The following CTNNA2 variants were observed in gnomAD, a reference collection of about 807,000 sequenced individuals.
CTNNA2 encodes catenin alpha-2.
CTNNA2 carries 42 observed loss-of-function variants against 101.0 expected under a neutral mutation model. The ratio of observed to expected loss-of-function variants is 0.42; its 90% CI spans 0.32 to 0.54. The LOEUF is 0.54. Ranked by LOEUF, CTNNA2 falls within the 20% of genes least tolerant of loss-of-function variation. The pLI, the probability that CTNNA2 is intolerant of heterozygous loss-of-function variation, is 0.14. For synonymous variants in CTNNA2, 450 were observed against 456.4 expected, an observed-to-expected ratio of 0.99 and a Z score of 0.18; for missense variants, 871 against 1,223.1, an observed-to-expected ratio of 0.71 and a Z score of 4.29.
chr2:80,617,370 A>G (rs989674199), intron 17 of CTNNA2, among the ~76,000 whole-genome samples: 7 of 151,774 alleles, frequency 4.6e-5, no homozygotes, highest in Non-Finnish European at 1.0e-4. Context: ...ATAAAACTTC[A>G]TAGGGCCATT....
chr2:79,551,895 C>T (rs1368298546), intron 1 of CTNNA2, among the ~76,000 whole-genome samples: 2 of 152,218 alleles, frequency 1.3e-5, no homozygotes, highest in Admixed American at 6.5e-5. Flanking sequence ...AGTCACCTCC[C>T]AACAGGCTCT....
chr2:79,766,493 A>T (rs564655784), intron 3 of CTNNA2, among the ~76,000 whole-genome samples: 3 of 152,224 alleles, frequency 2.0e-5, no homozygotes, highest in Non-Finnish European at 4.4e-5. Context: ...TTGATTGTTA[A>T]ATGCGTTGAG....
intron 4 of CTNNA2, among the ~76,000 whole-genome samples, chr2:79,428,527 T>C (rs1678616824): frequency 1.3e-5 from 2 of 152,062 alleles, no homozygotes; most frequent in Admixed American, 1.3e-4. Context: ...CTGGGGCCGC[T>C]GACTGGAAAA....
chr2:79,460,203 G>C (rs1399370761), intron 4 of CTNNA2, among the ~76,000 whole-genome samples: 2 of 151,916 alleles, frequency 1.3e-5, no homozygotes, highest in Non-Finnish European at 2.9e-5. Flanking sequence ...AAATATATTT[G>C]ACAATGATTG....
intron 2 of CTNNA2, among the ~76,000 whole-genome samples, chr2:79,211,394 G>A (rs147496256): frequency 4.5e-4 from 69 of 152,304 alleles, no homozygotes; most frequent in Middle Eastern, 3.4e-3. Context: ...TGTGTGAGCA[G>A]TAAAGCTGTT....
intron 9 of CTNNA2, among the ~76,000 whole-genome samples, chr2:80,478,907 T>G (rs565171359): frequency 6.6e-6 from 1 of 152,224 alleles, no homozygotes; most frequent in East Asian, 1.9e-4. Context: ...TTGTTCTAAT[T>G]CTGTGAAAAC....
intron 7 of CTNNA2, among the ~76,000 whole-genome samples, chr2:80,381,953 T>G (rs1676551773): frequency 6.6e-6 from 1 of 152,240 alleles, no homozygotes; most frequent in African/African-American, 2.4e-5. Context: ...TATATACATC[T>G]TAATCCTATG....
chr2:80,539,139 C>T (rs1691306420), intron 9 of CTNNA2, among the ~76,000 whole-genome samples: 1 of 152,110 alleles, frequency 6.6e-6, no homozygotes, highest in Non-Finnish European at 1.5e-5. Flanking sequence ...GTACCTCAGC[C>T]TCCTGAGTTA....
chr2:79,262,891 C>T (rs1674941988), intron 2 of CTNNA2, among the ~76,000 whole-genome samples: 1 of 152,180 alleles, frequency 6.6e-6, no homozygotes, highest in Non-Finnish European at 1.5e-5. Flanking sequence ...TATGGGTTAA[C>T]TCTCAAGTCC....
chr2:80,031,460 G>A (rs28377786), intron 7 of CTNNA2, among the ~76,000 whole-genome samples: 2,588 of 152,270 alleles, frequency 0.017, 76 homozygotes, highest in African/African-American at 0.06. Flanking sequence ...AAAAGAGAGA[G>A]CTTGTGCAGG....
intron 9 of CTNNA2, among the ~76,000 whole-genome samples, chr2:80,509,778 GTCC>G (rs1387462383): frequency 1.3e-5 from 2 of 152,164 alleles, no homozygotes; most frequent in Non-Finnish European, 2.9e-5. Context: ...AAATTGGACA[GTCC>G]TTGTCTCCAC....
intron 7 of CTNNA2, among the ~76,000 whole-genome samples, chr2:80,263,588 G>A (rs1437045749): frequency 1.3e-5 from 2 of 152,180 alleles, no homozygotes; most frequent in Non-Finnish European, 2.9e-5. Flanking sequence ...CACCTGCCTC[G>A]GCCTCCCAAA....
chr2:79,506,820 A>G (rs1233769764), intron 5 of CTNNA2, among the ~76,000 whole-genome samples: 1 of 152,148 alleles, frequency 6.6e-6, no homozygotes, highest in Non-Finnish European at 1.5e-5. Context: ...AAATATTTTG[A>G]TTGCCAGGCA....
At chr2:80,357,217 A>G (rs1272009129) in intron 7 of CTNNA2, among the ~76,000 whole-genome samples, 1 of 150,312 alleles carries the variant, frequency 6.7e-6, no homozygotes, top group Non-Finnish European at 1.5e-5. Context: ...GCCAGGAGGC[A>G]TTCAAAATAG....
chr2:79,249,720 A>G (rs7607254), intron 2 of CTNNA2, among the ~76,000 whole-genome samples: 1 of 151,806 alleles, frequency 6.6e-6, no homozygotes, highest in Admixed American at 6.5e-5. Flanking sequence ...ACCTGATTTT[A>G]CTCTCTTTTT....
intron 3 of CTNNA2, among the ~76,000 whole-genome samples, chr2:79,341,134 G>A (rs1002373854): frequency 6.6e-6 from 1 of 152,018 alleles, no homozygotes; most frequent in African/African-American, 2.4e-5. Flanking sequence ...TCACACAACT[G>A]GTGAGTGAGT....
chr2:79,645,603 T>C (rs1443208576), intron 1 of CTNNA2, among the ~76,000 whole-genome samples: 1 of 152,228 alleles, frequency 6.6e-6, no homozygotes, highest in African/African-American at 2.4e-5. Context: ...TCAATAGATC[T>C]GTTTTTGAGG....
chr2:79,233,318 T>C (rs376413532), intron 2 of CTNNA2, among the ~76,000 whole-genome samples: 5 of 152,202 alleles, frequency 3.3e-5, no homozygotes, highest in African/African-American at 1.2e-4. Context: ...TACCCCAAAG[T>C]TATTCAGAAG....
intron 4 of CTNNA2, among the ~76,000 whole-genome samples, chr2:79,395,834 G>A (rs576036086): frequency 2.2e-4 from 34 of 152,098 alleles, no homozygotes; most frequent in African/African-American, 5.5e-4. Flanking sequence ...ACAGTGTCTC[G>A]CTCTGTCACC....
Sources: allele counts gnomAD v4.1 joint callset (sites outside exome capture counted in the v4.1 genomes callset), GRCh38; gene constraint gnomAD v4.1.1; transcripts MANE v1.5; gene names NCBI Gene and HGNC (gene_info 2026-07-23, HGNC 2026-07-21).